Variants in CPQ observed in about 807,000 individuals in gnomAD.
CPQ encodes the protein carboxypeptidase Q.
In CPQ, 37 loss-of-function variants were observed where a neutral mutation model predicts 45.7. The observed-to-expected ratio is 0.81, with a 90% CI of 0.62 to 1.07. The LOEUF is 1.07. Among genes scored for constraint, CPQ ranks in the 50% least tolerant of loss-of-function variants. CPQ has a pLI of 0.00. For missense variants in CPQ, 537 were observed against 572.9 expected, an observed-to-expected ratio of 0.94 and a Z score of 0.64; for synonymous variants, 186 against 205.8, an observed-to-expected ratio of 0.90 and a Z score of 0.82.
At chr8:97,048,920 C>G (rs1365057431) in intron 6 of CPQ, among the ~76,000 whole-genome samples, 2 of 152,066 alleles carry the variant, frequency 1.3e-5, no homozygotes, top group Non-Finnish European at 2.9e-5. Flanking sequence ...GTTTAAACAT[C>G]TTTTTCTGAA....
chr8:97,020,441 T>C (rs1809658976), intron 5 of CPQ, among the ~76,000 whole-genome samples: 1 of 151,952 alleles, frequency 6.6e-6, no homozygotes, highest in East Asian at 1.9e-4. Context: ...AAAAAGCTGG[T>C]TTTTTGGAAA....
intron 3 of CPQ, among the ~76,000 whole-genome samples, chr8:96,845,963 T>C (rs1159474669): frequency 2.0e-5 from 3 of 151,990 alleles, no homozygotes; most frequent in African/African-American, 7.2e-5. Flanking sequence ...GGGATTACAG[T>C]CATGCACCAC....
chr8:96,915,179 C>T (rs1812715884), intron 4 of CPQ, among the ~76,000 whole-genome samples: 1 of 152,172 alleles, frequency 6.6e-6, no homozygotes, highest in Non-Finnish European at 1.5e-5. Context: ...ACTAGCCTTC[C>T]TGTCCTGCTA....
At chr8:96,864,501 A>G (rs1393956287) in intron 3 of CPQ, among the ~76,000 whole-genome samples, 1 of 152,010 alleles carries the variant, frequency 6.6e-6, no homozygotes, top group Non-Finnish European at 1.5e-5. Flanking sequence ...CTTAAAGGGT[A>G]CGGGAACCTC....
chr8:96,666,862 T>C (rs1808931928), intron 1 of CPQ, among the ~76,000 whole-genome samples: 1 of 152,202 alleles, frequency 6.6e-6, no homozygotes, highest in African/African-American at 2.4e-5. Flanking sequence ...ATCATTTAGG[T>C]TTTCTGATTC....
chr8:97,129,991 A>G (rs1377247829), intron 7 of CPQ, among the ~76,000 whole-genome samples: 1 of 152,192 alleles, frequency 6.6e-6, no homozygotes, highest in African/African-American at 2.4e-5. Context: ...GGATGCAAAA[A>G]TGAGTGAAAG....
chr8:96,938,989 ATTATT>A (rs1381202902), intron 4 of CPQ, among the ~76,000 whole-genome samples: 23 of 152,232 alleles, frequency 1.5e-4, no homozygotes, highest in African/African-American at 4.3e-4. Context: ...ATCTAATTTA[ATTATT>A]TTATTCATTG....
intron 2 of CPQ, among the ~76,000 whole-genome samples, chr8:96,792,641 A>G (rs761724279): frequency 1.1e-4 from 16 of 152,098 alleles, no homozygotes; most frequent in South Asian, 4.1e-4. Flanking sequence ...ATCCATTTCT[A>G]TATTCTCAAC....
In CPQ at chr8:96,995,185, A is replaced by G. The variant is rs370355918; in HGVS notation, c.961+29139A>G. ...CAACTAATCTCTGCCTCAACTTACA[A>G]CTCTGTTAAATGGGAATTATAATAA... is the stretch of plus-strand genomic sequence containing the variant. On this transcript the variant is annotated intron_variant, in intron 5 of 7. Coordinates refer to ENST00000220763, the MANE Select transcript of CPQ (RefSeq NM_016134.4). 7.0e-4 allele frequency among the ~76,000 whole-genome samples: 107 copies of G among 152,174 alleles called. 1 individual carries two copies. Among genetic ancestry groups the G allele is most frequent in the East Asian group, 6.2e-3 (32 of 5,184 alleles).
chr8:96,982,260 G>T (rs1036297864), intron 5 of CPQ, among the ~76,000 whole-genome samples: 1 of 152,094 alleles, frequency 6.6e-6, no homozygotes, highest in Admixed American at 6.6e-5. Context: ...AACATTTCCC[G>T]ATTTTTTTAA....
intron 4 of CPQ, among the ~76,000 whole-genome samples, chr8:96,958,014 T>TG (rs575298858): frequency 8.4e-4 from 127 of 151,334 alleles, no homozygotes; most frequent in Middle Eastern, 3.4e-3. Flanking sequence ...GGCTATTTTT[T>TG]TTTTTCAATA....
intron 6 of CPQ, among the ~76,000 whole-genome samples, chr8:97,052,546 T>A (rs1810380516): frequency 6.6e-6 from 1 of 152,150 alleles, no homozygotes; most frequent in Admixed American, 6.5e-5. Flanking sequence ...TAATATTTTT[T>A]AAATTCTATG....
intron 5 of CPQ, among the ~76,000 whole-genome samples, chr8:96,977,173 G>C (rs1020285467): frequency 2.0e-5 from 3 of 151,890 alleles, no homozygotes; most frequent in African/African-American, 7.3e-5. Flanking sequence ...CATCAAAAAA[G>C]GGCTAAGGAC....
chr8:96,934,126 C>A (rs1813013672), intron 4 of CPQ, among the ~76,000 whole-genome samples: 1 of 152,152 alleles, frequency 6.6e-6, no homozygotes, highest in African/African-American at 2.4e-5. Flanking sequence ...GACCTAGATT[C>A]TCATCTGACT....
intron 1 of CPQ, among the ~76,000 whole-genome samples, chr8:96,762,781 G>A (rs1258120143): frequency 6.6e-6 from 1 of 152,082 alleles, no homozygotes; most frequent in Non-Finnish European, 1.5e-5. Flanking sequence ...AGAAATCTTT[G>A]TATATCCCAA....
chr8:97,074,508 A>G (rs973395116), intron 7 of CPQ, among the ~76,000 whole-genome samples: 1 of 152,206 alleles, frequency 6.6e-6, no homozygotes, highest in Non-Finnish European at 1.5e-5. Flanking sequence ...ACGGTGGCCC[A>G]CGCCTGTAAT....
chr8:97,116,390 T>C (rs1391662204), intron 7 of CPQ, among the ~76,000 whole-genome samples: 2 of 152,230 alleles, frequency 1.3e-5, no homozygotes, highest in Non-Finnish European at 2.9e-5. Flanking sequence ...CAGAATTCAC[T>C]GATGCATATT....
At chr8:97,122,159 T>C (rs1439972131) in intron 7 of CPQ, among the ~76,000 whole-genome samples, 1 of 151,930 alleles carries the variant, frequency 6.6e-6, no homozygotes, top group African/African-American at 2.4e-5. Flanking sequence ...CCAAATGTAA[T>C]AACAACTATA....
At chr8:96,650,748 T>C (rs924674886) in intron 1 of CPQ, among the ~76,000 whole-genome samples, 1 of 152,236 alleles carries the variant, frequency 6.6e-6, no homozygotes, top group African/African-American at 2.4e-5. Context: ...CAGGCAGTGA[T>C]GTGAAAGGAT....
Sources: gnomAD v4.1 joint callset for allele counts (sites outside exome capture counted in the v4.1 genomes callset) on GRCh38, gnomAD v4.1.1 for gene constraint, MANE v1.5 for transcripts, NCBI Gene and HGNC (gene_info 2026-07-23, HGNC 2026-07-21) for gene names.